The following LYN variants were observed in gnomAD, a reference collection of about 807,000 sequenced individuals.
LYN encodes tyrosine-protein kinase Lyn.
Under a neutral mutation model 65.0 loss-of-function variants are expected in LYN, and 12 were observed. That is an observed-to-expected ratio of 0.18 (90% CI 0.12 to 0.30). The LOEUF (loss-of-function observed/expected upper bound fraction) is 0.30, where lower values mean the gene tolerates loss of function less well. LYN is among the 10% of genes least tolerant of loss of function. The probability of loss-of-function intolerance (pLI) is 1.00; values close to 1 mark genes in which losing one functional copy is unlikely to be tolerated. For missense variants in LYN, 380 were observed against 623.2 expected (o/e 0.61, Z 4.16); for synonymous variants, 222 against 221.2 (o/e 1.00, Z -0.03).
rs1585602324 is a variant in LYN, at chr8:55,923,190, T to A, written c.-5-18665T>A. 2.0e-5 allele frequency among the ~76,000 whole-genome samples: 3 copies of A among 152,360 alleles called. No individual in the cohort carries two copies. In the South Asian group the frequency reaches 6.2e-4, roughly 32 times the overall value. ...TGTCTGTCATACTATTTAAGTAATT[T>A]AAAAATTTTTTGAAACGAATTGGGG... On this transcript the variant is annotated intron_variant, in intron 1 of 12. Coordinates refer to ENST00000519728, the MANE Select transcript of LYN (RefSeq NM_002350.4).
At chr8:55,896,894 C>T (rs1805122868) in intron 1 of LYN, among the ~76,000 whole-genome samples, 1 of 152,292 alleles carries the variant, frequency 6.6e-6, no homozygotes, top group East Asian at 1.9e-4. Context: ...TGCCCGCCAT[C>T]ACCCCCAGCT....
chr8:55,898,530 T>G (rs1056750925), intron 1 of LYN, among the ~76,000 whole-genome samples: 1 of 152,134 alleles, frequency 6.6e-6, no homozygotes, highest in Non-Finnish European at 1.5e-5. Context: ...CTCAAGTGAT[T>G]CACCTGCCTT....
At chr8:55,970,754 G>A (rs1039839776) in intron 10 of LYN, among the ~76,000 whole-genome samples, 1 of 152,080 alleles carries the variant, frequency 6.6e-6, no homozygotes, top group Non-Finnish European at 1.5e-5. Flanking sequence ...ATAGAGCATC[G>A]TGGGCTAAGC....
intron 10 of LYN, among the ~76,000 whole-genome samples, chr8:55,987,406 CAAAA>C (rs879257306): frequency 9.3e-6 from 1 of 107,274 alleles, no homozygotes; most frequent in African/African-American, 3.5e-5. Flanking sequence ...GACTTCATCT[CAAAA>C]AAAAAAAAAA....
chr8:55,994,911 G>A (rs570911800), intron 10 of LYN, among the ~76,000 whole-genome samples: 196 of 152,248 alleles, frequency 1.3e-3, no homozygotes, highest in African/African-American at 4.5e-3. Flanking sequence ...GCCAGGCATC[G>A]TGGTTCTATC....
chr8:55,896,603 A>G (rs939700918), intron 1 of LYN, among the ~76,000 whole-genome samples: 1 of 152,128 alleles, frequency 6.6e-6, no homozygotes, highest in Non-Finnish European at 1.5e-5. Context: ...ATGTATACCT[A>G]TGTAACAAAC....
At chr8:55,949,958 G>A (rs77523501) in intron 4 of LYN, among the ~76,000 whole-genome samples, 12,912 of 152,188 alleles carry the variant, frequency 0.085, 1,161 homozygotes, top group African/African-American at 0.23. Flanking sequence ...AGGAAACCAC[G>A]AATCTACTTT....
chr8:55,978,413 T>A (rs1807820110), intron 10 of LYN, among the ~76,000 whole-genome samples: 1 of 152,152 alleles, frequency 6.6e-6, no homozygotes, highest in Non-Finnish European at 1.5e-5. Context: ...GGCACGGGGT[T>A]GAGGTGGCTG....
At chr8:55,946,301 T>C (rs766636491) in intron 2 of LYN, 147 bp from the exon 3 acceptor site, 159 of 675,378 alleles carry the variant, frequency 2.4e-4, no homozygotes, top group Admixed American at 4.9e-4. Context: ...CCTCTACAGG[T>C]TTTTCCCTCT....
At chr8:55,906,331 T>TTTTTGTTTTG (rs150904137) in intron 1 of LYN, among the ~76,000 whole-genome samples, 46 of 151,066 alleles carry the variant, frequency 3.0e-4, no homozygotes, top group African/African-American at 1.1e-3. Flanking sequence ...GAATTCGTTT[T>TTTTTGTTTTG]TTTTGTTTTG....
chr8:55,928,384 G>A (rs1806171155), intron 1 of LYN, among the ~76,000 whole-genome samples: 1 of 152,206 alleles, frequency 6.6e-6, no homozygotes, highest in Admixed American at 6.5e-5. Context: ...GACCTCAGGT[G>A]ATCCGCCGAC....
chr8:55,898,549 A>G (rs757840780), intron 1 of LYN, among the ~76,000 whole-genome samples: 3 of 152,156 alleles, frequency 2.0e-5, no homozygotes, highest in Non-Finnish European at 4.4e-5. Context: ...TTGGCCTCCC[A>G]TAGTGTTGAG....
At chr8:55,880,691 G>C (rs1804628132) in intron 1 of LYN, among the ~76,000 whole-genome samples, 1 of 152,230 alleles carries the variant, frequency 6.6e-6, no homozygotes, top group African/African-American at 2.4e-5. Flanking sequence ...GCGGAGGCTG[G>C]AACTCACCCT....
At chr8:55,880,680 A>G (rs6983130) in intron 1 of LYN, among the ~76,000 whole-genome samples, 27,934 of 152,258 alleles carry the variant, frequency 0.18, 2,621 homozygotes, top group Middle Eastern at 0.25. Flanking sequence ...GAGGGGCTGC[A>G]GCGGAGGCTG....
chr8:55,911,131 A>ATACATATATATAAGTGTATATATATG (rs1805599914), intron 1 of LYN, among the ~76,000 whole-genome samples: 2 of 9,168 alleles, frequency 2.2e-4, no homozygotes, highest in South Asian at 5.9e-3. Context: ...ATATATACAC[A>ATACATATATATAAGTGTATATATATG]TACATATATA....
intron 1 of LYN, among the ~76,000 whole-genome samples, chr8:55,911,664 G>T (rs1041641484): frequency 7.0e-5 from 7 of 99,620 alleles, no homozygotes; most frequent in Admixed American, 5.3e-4. Flanking sequence ...GTAACCCTGG[G>T]GGCAGTCCTA....
At chr8:55,965,855 T>C (rs1421670700) in intron 8 of LYN, among the ~76,000 whole-genome samples, 5 of 152,194 alleles carry the variant, frequency 3.3e-5, no homozygotes, top group African/African-American at 9.6e-5. Context: ...CTGGGCACAG[T>C]GGCTCATGCT....
chr8:55,953,041 G>A (rs569466400), intron 7 of LYN, among the ~76,000 whole-genome samples: 5 of 152,172 alleles, frequency 3.3e-5, no homozygotes, highest in Non-Finnish European at 5.9e-5. Flanking sequence ...CCCAAAACAC[G>A]GAGAGAGCAA....
chr8:55,950,778 T>A lies in LYN; in HGVS notation c.481T>A (p.Leu161Ile). ...TTTCCTTATTAGAGAAAGTGAAACA[T>A]TAAAAGGTAGGAAATTGTTCAAAGC... ...GAFLIRESET[L>I]KGSFSLSVRD... Residue 161 changes from leucine (L) to isoleucine (I), a missense_variant, in exon 6 of 13, where the codon TTA becomes ATA. Leu to Ile is a conservative substitution (Grantham distance 5). Coordinates refer to ENST00000519728, the MANE Select transcript of LYN (RefSeq NM_002350.4). 2 of 1,607,546 alleles carry A rather than the reference T, an allele frequency of 1.2e-6. No homozygotes were observed. The highest frequency in any genetic ancestry group is 1.7e-6 in the Non-Finnish European group (2 of 1,174,036).
Sources: gnomAD v4.1 joint callset for allele counts (sites outside exome capture counted in the v4.1 genomes callset) on GRCh38, gnomAD v4.1.1 for gene constraint, MANE v1.5 for transcripts, NCBI Gene and HGNC (gene_info 2026-07-23, HGNC 2026-07-21) for gene names.